Variants in MME observed in about 807,000 individuals in gnomAD.
MME encodes membrane metalloendopeptidase, also known as neprilysin.
Under a neutral mutation model 113.2 loss-of-function variants are expected in MME, and 98 were observed. The ratio of observed to expected loss-of-function variants is 0.87; its 90% confidence interval spans 0.74 to 1.02. The LOEUF is 1.02. Among genes scored for constraint, MME ranks in the 50% least tolerant of loss-of-function variants. The probability of loss-of-function intolerance (pLI) is 0.00; values close to 1 mark genes in which losing one functional copy is unlikely to be tolerated. For synonymous variants in MME, 292 were observed against 300.6 expected (o/e 0.97, Z 0.30); for missense variants, 836 against 896.0 (o/e 0.93, Z 0.86).
chr3:155,078,632 C>T (rs751657795), upstream of MME, among the ~76,000 whole-genome samples: 16 of 149,822 alleles, frequency 1.1e-4, 1 homozygote, highest in Middle Eastern at 3.4e-3. Flanking sequence ...GTATGAATTC[C>T]GCAGTGGAGT....
chr3:155,044,161 C>T lies in MME; in HGVS notation c.-11+19837C>T, dbSNP rs1713461375. ...TTTTTTTTTTTTTGAGACAGGGGGT[C>T]TTGCTCTGTCACTCTGGCTGGAGTG... On this transcript the variant is annotated intron_variant, in intron 1 of 22. Coordinates refer to the MME transcript ENST00000492661. Among the ~76,000 whole-genome samples, 5 of 98,286 alleles carry T rather than the reference C, an allele frequency of 5.1e-5. No individual in the cohort carries two copies. In the South Asian group the frequency reaches 1.7e-3, roughly 33 times the overall value. 64.5% of individuals were successfully genotyped at this position (98,286 alleles called of 152,430 possible). A position where few individuals can be genotyped will look rare whatever the true frequency, so the allele number is the denominator to read the frequency against.
chr3:155,063,226 ATAT>A (rs1175530665), intron 1 of MME, among the ~76,000 whole-genome samples: 2 of 113,378 alleles, frequency 1.8e-5, no homozygotes, highest in South Asian at 2.4e-4. Flanking sequence ...ATACATATGT[ATAT>A]TATTATATAT....
chr3:155,059,213 C>T lies in MME; in HGVS notation c.-10-24945C>T, dbSNP rs1237857250. Among the ~76,000 whole-genome samples the T allele has an allele frequency of 2.2e-5, 3 of 134,556 alleles. No individual in the cohort carries two copies. The East Asian group carries it at 6.9e-4, about 31-fold the overall frequency. The allele number at this position is 134,556 out of a possible 152,430, so 88.3% of individuals were successfully genotyped here. On this transcript the variant is annotated intron_variant, in intron 1 of 22. Transcript: ENST00000492661. Reference sequence around the variant, plus strand: ...GAGGTTGCAGTCAGTGAGCCGAGATCACACCACTGCACTCCAACTTGGGCT... The same window carrying T: ...GAGGTTGCAGTCAGTGAGCCGAGATTACACCACTGCACTCCAACTTGGGCT...
chr3:155,181,280 TA>T lies in MME; in HGVS notation c.*825del, dbSNP rs549461704. Reference sequence around the variant, plus strand: ...ATCAATGAATATTGAAGTTTCAGCTTAAAATAAACAGTTGTGAACCAAGATC... The same window carrying T: ...ATCAATGAATATTGAAGTTTCAGCTTAAATAAACAGTTGTGAACCAAGATC... On this transcript the variant is annotated 3_prime_UTR_variant, in exon 23 of 23. Transcript: ENST00000360490. The T allele has an allele frequency of 5.3e-5, 8 of 152,078 alleles. No individual in the cohort carries two copies. Among genetic ancestry groups the T allele is most frequent in the Non-Finnish European group, 1.2e-4 (8 of 68,004 alleles). The allele number at this position is 152,078 out of a possible 1,614,324, so 9.4% of individuals were successfully genotyped here. A position where few individuals can be genotyped will look rare whatever the true frequency, so the allele number is the denominator to read the frequency against.
chr3:155,052,017 C>G (rs1055229743), intron 1 of MME, among the ~76,000 whole-genome samples: 1 of 152,184 alleles, frequency 6.6e-6, no homozygotes, highest in African/African-American at 2.4e-5. Flanking sequence ...GGGTTATACG[C>G]CCCATACAAA....
At chr3:155,032,542 T>C (rs989503102) in intron 1 of MME, among the ~76,000 whole-genome samples, 12 of 152,174 alleles carry the variant, frequency 7.9e-5, no homozygotes, top group South Asian at 6.2e-4. Context: ...TTGAATACAG[T>C]CTGAATCTCA....
At chr3:155,057,742 A>G (rs1257856689) in intron 1 of MME, among the ~76,000 whole-genome samples, 1 of 149,260 alleles carries the variant, frequency 6.7e-6, no homozygotes, top group Non-Finnish European at 1.5e-5. Context: ...CAGGGAAGAG[A>G]GAAGTAAAGG....
At chr3:155,087,933 T>C (rs1715905243) in intron 3 of MME, among the ~76,000 whole-genome samples, 1 of 152,244 alleles carries the variant, frequency 6.6e-6, no homozygotes, top group Admixed American at 6.5e-5. Context: ...AAAATGTATT[T>C]AACCTGTATC....
At chr3:155,105,339 G>T (rs1717598330) in intron 3 of MME, among the ~76,000 whole-genome samples, 1 of 152,032 alleles carries the variant, frequency 6.6e-6, no homozygotes, top group Non-Finnish European at 1.5e-5. Flanking sequence ...ACTTAATTTG[G>T]GTTCCTCTGC....
At chr3:155,148,691 G>A in intron 16 of MME, 38 bp downstream of exon 16, 1 of 1,453,760 alleles carries the variant, frequency 6.9e-7, no homozygotes, top group Admixed American at 1.7e-5. Flanking sequence ...TCATCTAGAA[G>A]CAGGTCTTTC....
intron 3 of MME, among the ~76,000 whole-genome samples, chr3:155,107,818 C>A (rs1717816911): frequency 6.6e-6 from 1 of 152,072 alleles, no homozygotes; most frequent in African/African-American, 2.4e-5. Flanking sequence ...TTTTTGTAGT[C>A]CATTTAGTCA....
Position 155,133,840 on chromosome 3 carries a change from CTCAGTAGATTGATAT to C in MME, c.721-4260_721-4246del, listed in dbSNP as rs542324025. Among the ~76,000 whole-genome samples the C allele has an allele frequency of 7.7e-3, 1,128 of 146,562 alleles. 15 individuals are homozygous for C. Among genetic ancestry groups the C allele is most frequent in the African/African-American group, 0.026 (1,057 of 40,216 alleles). On this transcript the variant is annotated intron_variant, in intron 8 of 22. Transcript: ENST00000360490. The stretch of plus-strand genomic sequence containing the variant: ...CCAATATCAATCTACTGAGATATAT[CTCAGTAGATTGATAT>C]TGGAAAATTCGAACTACCATTTTGT...
intron 14 of MME, among the ~76,000 whole-genome samples, chr3:155,146,084 G>C (rs1258057847): frequency 6.6e-6 from 1 of 151,932 alleles, no homozygotes; most frequent in African/African-American, 2.4e-5. Flanking sequence ...GTGATACGAA[G>C]TGGTAAAATC....
At chr3:155,153,082 G>T (rs749882351) in intron 16 of MME, among the ~76,000 whole-genome samples, 3 of 151,002 alleles carry the variant, frequency 2.0e-5, no homozygotes, top group South Asian at 2.1e-4. Context: ...TGTCACCCAG[G>T]TTGGAGTGCA....
At chr3:155,162,790 A>G (rs1326790596) in intron 17 of MME, among the ~76,000 whole-genome samples, 2 of 151,926 alleles carry the variant, frequency 1.3e-5, no homozygotes, top group African/African-American at 2.4e-5. Flanking sequence ...AGGTGGGTGG[A>G]TCACCTGAGG....
At chr3:155,057,351 C>T (rs1419365319) in intron 1 of MME, among the ~76,000 whole-genome samples, 1 of 151,322 alleles carries the variant, frequency 6.6e-6, no homozygotes, top group Non-Finnish European at 1.5e-5. Flanking sequence ...AAAAAATGCT[C>T]ATCATCACTG....
chr3:155,108,093 A>G (rs565490869), intron 3 of MME, among the ~76,000 whole-genome samples: 3 of 152,330 alleles, frequency 2.0e-5, no homozygotes, highest in South Asian at 4.1e-4. Flanking sequence ...TGTATTAATC[A>G]TCTGTGTGTC....
At chr3:155,052,580 C>T (rs1713797737) in intron 1 of MME, among the ~76,000 whole-genome samples, 1 of 152,230 alleles carries the variant, frequency 6.6e-6, no homozygotes, top group Non-Finnish European at 1.5e-5. Context: ...ACAGCTGGAG[C>T]TGAAGTAGCT....
In MME at chr3:155,182,265, C is replaced by A. The variant is rs184137560; in HGVS notation, c.*1806C>A. On this transcript the variant is annotated 3_prime_UTR_variant, in exon 23 of 23. Transcript: ENST00000360490. ...ATTGTGGATCTTTTCATTCTCATTG[C>A]AGAATAATGTTCTATTGTGGGACTT... is the stretch of plus-strand genomic sequence containing the variant. 2 of 152,254 alleles carry A rather than the reference C, an allele frequency of 1.3e-5. No individual in the cohort carries two copies. Among genetic ancestry groups the A allele is most frequent in the East Asian group, 3.9e-4 (2 of 5,182 alleles). 9.4% of individuals were successfully genotyped at this position (152,254 alleles called of 1,614,324 possible).
Sources: allele counts gnomAD v4.1 joint callset (sites outside exome capture counted in the v4.1 genomes callset), GRCh38; gene constraint gnomAD v4.1.1; transcripts MANE v1.5; gene names NCBI Gene and HGNC (gene_info 2026-07-23, HGNC 2026-07-21).